ALG12: variants seen among roughly 807,000 people sequenced by gnomAD.
The protein encoded by ALG12 is dol-P-Man:Man(7)GlcNAc(2)-PP-Dol alpha-1,6-mannosyltransferase.
A neutral mutation model predicts 46.0 loss-of-function variants in ALG12; 36 were observed. The observed-to-expected ratio is 0.78, with a 90% CI of 0.60 to 1.03. The LOEUF (loss-of-function observed/expected upper bound fraction) is 1.03, where lower values mean the gene tolerates loss of function less well. Among genes scored for constraint, ALG12 ranks in the 50% least tolerant of loss-of-function variants. The pLI, the probability that ALG12 is intolerant of heterozygous loss-of-function variation, is 0.00. For missense variants in ALG12, 599 were observed against 633.5 expected, an observed-to-expected ratio of 0.95 and a Z score of 0.58; for synonymous variants, 326 against 291.6, an observed-to-expected ratio of 1.12 and a Z score of -1.20.
At chr22:49,889,972 T>G in the ALG12 span, 106 of 166,806 alleles carry the variant, frequency 6.4e-4, no homozygotes, top group Non-Finnish European at 1.4e-3. Context: ...GAACTGTCTC[T>G]TCAGTGAATG....
Position 49,913,711 on chromosome 22 carries a change from C to T in ALG12, c.55G>A (p.Ala19Thr), listed in dbSNP as rs138266806. The change falls in exon 2 of 10, where the codon GCC becomes ACC. Residue 19 changes from alanine (A) to threonine (T), a missense_variant. Physicochemically the swap from Ala to Thr is moderately conservative, Grantham distance 58. Transcript: ENST00000330817. ...ATGACCAGGTGGACAGTGGCTACGG[C>T]CACCAGCAGCCCCAGCAGCAGGGGC... ...RRPLLLGLLV[A>T]VATVHLVICP... 1.7e-4 allele frequency: 279 copies of T among 1,613,234 alleles called. 1 individual carries two copies. The highest frequency in any genetic ancestry group is 3.3e-4 in the Middle Eastern group (2 of 6,076).
the ALG12 span, among the ~76,000 whole-genome samples, chr22:49,871,499 T>G: frequency 6.6e-6 from 1 of 151,914 alleles, no homozygotes; most frequent in Non-Finnish European, 1.5e-5. Flanking sequence ...AAAAAAAAAG[T>G]TACATTTTCA....
chr22:49,875,816 C>T, the ALG12 span, among the ~76,000 whole-genome samples: 1 of 152,078 alleles, frequency 6.6e-6, no homozygotes, highest in South Asian at 2.1e-4. Flanking sequence ...TAGTGATACT[C>T]CCTCTCTCAT....
chr22:49,877,365 C>T, the ALG12 span, among the ~76,000 whole-genome samples: 2 of 152,052 alleles, frequency 1.3e-5, no homozygotes, highest in African/African-American at 2.4e-5. Context: ...GATCTCAGCT[C>T]ACTGCAACCT....
the ALG12 span, among the ~76,000 whole-genome samples, chr22:49,877,734 A>T: frequency 6.6e-6 from 1 of 152,144 alleles, no homozygotes; most frequent in South Asian, 2.1e-4. Context: ...TCATATGGAC[A>T]TGCTTGTGTA....
the ALG12 span, among the ~76,000 whole-genome samples, chr22:49,874,509 C>G: frequency 6.6e-6 from 1 of 151,198 alleles, no homozygotes; most frequent in African/African-American, 2.4e-5. Context: ...CCTCAGCGTC[C>G]CAAGTAGCTG....
At chr22:49,884,697 C>T in the ALG12 span, 1 of 1,599,862 alleles carries the variant, frequency 6.3e-7, no homozygotes, top group Non-Finnish European at 8.5e-7. Context: ...AGAACGGGGG[C>T]ACGGGCATCC....
Position 49,910,105 on chromosome 22 carries a change from G to A in ALG12, c.470-17C>T. On this transcript the variant is annotated splice_polypyrimidine_tract_variant and intron_variant, in intron 4 of 9. Coordinates refer to ENST00000330817, the MANE Select transcript of ALG12 (RefSeq NM_024105.4). The stretch of plus-strand genomic sequence containing the variant: ...CCAGCAGGACTGCAAGACAGTGCGG[G>A]AGGGTGCTCGTCAAGACACAGGGCC... 6.3e-7 allele frequency: 1 copy of A among 1,588,992 alleles called. No homozygotes were observed. Among genetic ancestry groups the A allele is most frequent in the South Asian group, 1.1e-5 (1 of 88,254 alleles).
the ALG12 span, among the ~76,000 whole-genome samples, chr22:49,893,992 C>T: frequency 5.9e-5 from 9 of 152,032 alleles, no homozygotes; most frequent in Admixed American, 3.3e-4. Flanking sequence ...GATGAAACCC[C>T]GTCTTTACTG....
At chr22:49,908,542 A>C (rs1050049291) in intron 6 of ALG12, among the ~76,000 whole-genome samples, 5 of 145,038 alleles carry the variant, frequency 3.4e-5, no homozygotes, top group African/African-American at 1.3e-4. Flanking sequence ...AAAAAAAAAA[A>C]AAAACCAAAA....
chr22:49,917,825 A>AT (rs148639470), intron 1 of ALG12, among the ~76,000 whole-genome samples: 14,893 of 151,740 alleles, frequency 0.098, 919 homozygotes, highest in South Asian at 0.18. Flanking sequence ...GTTCCTGAAC[A>AT]TGAGCGAGTG....
In ALG12 at chr22:49,901,092, G is replaced by A. The variant is rs929270120; in HGVS notation, c.*2746C>T. The A allele has an allele frequency of 6.6e-6, 1 of 152,268 alleles. No individual in the cohort carries two copies. The highest frequency in any genetic ancestry group is 1.5e-5 in the Non-Finnish European group (1 of 68,064). The allele number at this position is 152,268 out of a possible 1,614,324, so 9.4% of individuals were successfully genotyped here. A position where few individuals can be genotyped will look rare whatever the true frequency, so the allele number is the denominator to read the frequency against. ...CCCGCCAGCAAATCTCGTACACTTT[G>A]AACACCAGGATAATTAAAGACAGGA... On this transcript the variant is annotated 3_prime_UTR_variant, in exon 10 of 10. Transcript: ENST00000330817.
chr22:49,887,513 T>G, the ALG12 span: 2 of 219,960 alleles, frequency 9.1e-6, no homozygotes, highest in South Asian at 2.4e-4. Context: ...GTAAACCATT[T>G]TATTCTGTAG....
At chr22:49,912,945 G>A (rs1007404041) in intron 3 of ALG12, among the ~76,000 whole-genome samples, 1 of 152,124 alleles carries the variant, frequency 6.6e-6, no homozygotes, top group Non-Finnish European at 1.5e-5. Context: ...CCTCATGTGG[G>A]CACAGAGAAA....
intron 4 of ALG12, 26 bp downstream of exon 4, chr22:49,910,408 T>G (rs759587222): frequency 6.2e-7 from 1 of 1,610,510 alleles, no homozygotes; most frequent in Non-Finnish European, 8.5e-7. Flanking sequence ...ACCATGGGTG[T>G]GCAGGCCCGG....
chr22:49,877,682 A>T, the ALG12 span, among the ~76,000 whole-genome samples: 1 of 152,310 alleles, frequency 6.6e-6, no homozygotes, highest in South Asian at 2.1e-4. Flanking sequence ...ATATCCATAT[A>T]GTATGCCTAA....
Position 49,904,432 on chromosome 22 carries a change from G to A in ALG12, c.1067C>T (p.Ala356Val), listed in dbSNP as rs866503885. The A allele has an allele frequency of 6.2e-7, 1 of 1,614,182 alleles. No individual in the cohort carries two copies. ...ATACAGGGCCGTGGCTGAGTAGGCG[G>A]CATTCACCACGAGGTGTCCGATCAC... Reference protein sequence around the residue: ...LLVIGHLVVNAAYSATALYVS... With the variant: ...LLVIGHLVVNVAYSATALYVS... Residue 356 changes from alanine (A) to valine (V), a missense_variant, in exon 8 of 10, where the codon GCC becomes GTC. Ala to Val is a moderately conservative substitution (Grantham distance 64). Transcript: ENST00000330817.
At chr22:49,912,334 C>T (rs2060583242) in intron 3 of ALG12, among the ~76,000 whole-genome samples, 1 of 152,342 alleles carries the variant, frequency 6.6e-6, no homozygotes, top group South Asian at 2.1e-4. Flanking sequence ...CTGGAGTCCA[C>T]CCAGCTCTGC....
At chr22:49,870,245 A>T in the ALG12 span, among the ~76,000 whole-genome samples, 1 of 152,214 alleles carries the variant, frequency 6.6e-6, no homozygotes, top group Admixed American at 6.5e-5. Flanking sequence ...ACGTAGGTTG[A>T]TTCCATGTCT....
Sources: gnomAD v4.1 joint callset for allele counts (sites outside exome capture counted in the v4.1 genomes callset) on GRCh38, gnomAD v4.1.1 for gene constraint, MANE v1.5 for transcripts, NCBI Gene and HGNC (gene_info 2026-07-23, HGNC 2026-07-21) for gene names.